The following MYH16 variants were observed in gnomAD, a reference collection of about 807,000 sequenced individuals.
MYH16 encodes putative uncharacterized protein MYH16.
At chr7:99,287,233 G>T (rs1044782666) in intron 28 of MYH16, among the ~76,000 whole-genome samples, 1 of 151,904 alleles carries the variant, frequency 6.6e-6, no homozygotes, top group Non-Finnish European at 1.5e-5. Flanking sequence ...AGTATAGTGA[G>T]TAGAAATGTG....
intron 29 of MYH16, among the ~76,000 whole-genome samples, chr7:99,288,424 T>C (rs1301928272): frequency 5.4e-4 from 73 of 135,782 alleles, no homozygotes; most frequent in African/African-American, 7.8e-4. Flanking sequence ...GGCAACAGAG[T>C]AAGACCCTGT....
At chr7:99,247,708 C>A in exon 3 of MYH16, 1 of 197,392 alleles carries the variant, frequency 5.1e-6, no homozygotes, top group Non-Finnish European at 1.1e-5. Context: ...GCCGCCTCAC[C>A]TCTTCTCCAT....
At chr7:99,293,458 T>C (rs956658420) in intron 32 of MYH16, among the ~76,000 whole-genome samples, 2 of 152,198 alleles carry the variant, frequency 1.3e-5, no homozygotes, top group Admixed American at 6.5e-5. Flanking sequence ...TGCTGGGCAC[T>C]ACCTGGTCCT....
chr7:99,289,702 C>A (rs773039300), intron 30 of MYH16, among the ~76,000 whole-genome samples: 5 of 152,184 alleles, frequency 3.3e-5, no homozygotes, highest in Non-Finnish European at 5.9e-5. Context: ...GACCCACATA[C>A]TAATATAAAG....
intron 2 of MYH16, among the ~76,000 whole-genome samples, chr7:99,246,481 C>A: frequency 6.6e-6 from 1 of 152,140 alleles, no homozygotes; most frequent in East Asian, 1.9e-4. Context: ...GTGGGTGGAT[C>A]CCTTGAGGTC....
At position 99,259,797 on chromosome 7, in the gene MYH16, ATATT is replaced by A. The variant is rs1470776919; in HGVS notation, n.1405-366_1405-363del. Among the ~76,000 whole-genome samples, 3 of 146,552 alleles carry A rather than the reference ATATT, an allele frequency of 2.0e-5. No individual in the cohort carries two copies. In the Admixed American group the frequency reaches 2.1e-4, roughly 10 times the overall value. ...ATATATACACGTATATTGTATGTAT[ATATT>A]ATATATATGTATGTATGTGTATATA... On this transcript the variant is annotated intron_variant and non_coding_transcript_variant, in intron 11 of 41. Coordinates refer to ENST00000439784, the Ensembl canonical transcript of MYH16.
At chr7:99,287,019 G>A (rs369245723) in intron 28 of MYH16, among the ~76,000 whole-genome samples, 1 of 152,206 alleles carries the variant, frequency 6.6e-6, no homozygotes. Context: ...AGCAGGCCAC[G>A]CAGGGCCAGA....
intron 36 of MYH16, among the ~76,000 whole-genome samples, chr7:99,298,662 C>T (rs941826142): frequency 3.3e-5 from 5 of 152,032 alleles, no homozygotes; most frequent in African/African-American, 1.2e-4. Context: ...AATTGGATTG[C>T]TTCTTTTTAT....
intron 20 of MYH16, among the ~76,000 whole-genome samples, chr7:99,275,888 G>A (rs1157778671): frequency 1.3e-5 from 2 of 152,086 alleles, no homozygotes; most frequent in Non-Finnish European, 2.9e-5. Flanking sequence ...CTGCCACCAC[G>A]CCTAATTTTT....
At chr7:99,299,086 T>TA (rs61193729) in intron 36 of MYH16, among the ~76,000 whole-genome samples, 60 of 144,894 alleles carry the variant, frequency 4.1e-4, no homozygotes, top group East Asian at 3.3e-3. Flanking sequence ...AAAATAAAAA[T>TA]AAAAAAAAAA....
chr7:99,277,069 G>A (rs1271842693), intron 20 of MYH16, among the ~76,000 whole-genome samples: 2 of 148,844 alleles, frequency 1.3e-5, no homozygotes, highest in Non-Finnish European at 2.9e-5. Context: ...CAGAGAGAGA[G>A]AGAGAAACAG....
At chr7:99,285,342 G>C (rs185580706) in intron 26 of MYH16, 40 bp from the exon 9 acceptor site, 20 of 456,148 alleles carry the variant, frequency 4.4e-5, no homozygotes, top group Non-Finnish European at 7.9e-5. Context: ...TACTAACTTT[G>C]CCTGGCAGAG....
chr7:99,277,469 C>G, intron 20 of MYH16, 70 bp from the exon 3 acceptor site: 1 of 410,156 alleles, frequency 2.4e-6, no homozygotes, highest in Non-Finnish European at 4.9e-6. Context: ...GGCAGAGACT[C>G]CACAGCCCTC....
chr7:99,310,177 G>A (rs1792740952), downstream of MYH16, among the ~76,000 whole-genome samples: 1 of 152,186 alleles, frequency 6.6e-6, no homozygotes. Flanking sequence ...ACACAAAAGT[G>A]CAAAGGTGGG....
At chr7:99,296,518 T>C (rs532962935) in intron 33 of MYH16, among the ~76,000 whole-genome samples, 183 bp from the exon 15 acceptor site, 2 of 152,152 alleles carry the variant, frequency 1.3e-5, no homozygotes, top group East Asian at 3.9e-4. Flanking sequence ...GGCATGCAGC[T>C]CTTTGCAGAC....
intron 1 of MYH16, among the ~76,000 whole-genome samples, chr7:99,241,636 GGGCGT>G (rs1430079336): frequency 6.6e-6 from 1 of 152,082 alleles, no homozygotes; most frequent in African/African-American, 2.4e-5. Flanking sequence ...GGTTTACTAA[GGGCGT>G]GGTAACCATT....
intron 30 of MYH16, chr7:99,290,803 C>CA (rs35108042): frequency 0.051 from 5,449 of 107,158 alleles, 189 homozygotes; most frequent in African/African-American, 0.1. Context: ...AACTTGGTCT[C>CA]AAAAAAAAAA....
chr7:99,259,469 T>C (rs1461393372), intron 11 of MYH16, among the ~76,000 whole-genome samples: 2 of 151,936 alleles, frequency 1.3e-5, no homozygotes, highest in African/African-American at 2.4e-5. Flanking sequence ...GTTTATTTAT[T>C]TTTTTTGAGA....
intron 36 of MYH16, among the ~76,000 whole-genome samples, 176 bp downstream of exon 17, chr7:99,298,171 GTCT>G (rs1485582002): frequency 2.6e-5 from 4 of 151,856 alleles, no homozygotes; most frequent in African/African-American, 9.7e-5. Context: ...ACACTACCGT[GTCT>G]AGTTTATGAA....
Sources: gnomAD v4.1 joint callset for allele counts (sites outside exome capture counted in the v4.1 genomes callset) on GRCh38, gnomAD v4.1.1 for gene constraint, MANE v1.5 for transcripts, NCBI Gene and HGNC (gene_info 2026-07-23, HGNC 2026-07-21) for gene names.